Variants in CXCL12 observed in about 807,000 individuals in gnomAD.
CXCL12 encodes the protein C-X-C motif chemokine ligand 12.
Under a neutral mutation model 10.7 loss-of-function variants are expected in CXCL12, and 4 were observed. The ratio of observed to expected loss-of-function variants is 0.37; its 90% CI spans 0.18 to 0.86. The LOEUF (loss-of-function observed/expected upper bound fraction) is 0.86, where lower values mean the gene tolerates loss of function less well. Ranked by LOEUF, CXCL12 falls within the 40% of genes least tolerant of loss-of-function variation. The pLI, the probability that CXCL12 is intolerant of heterozygous loss-of-function variation, is 0.43. For missense variants in CXCL12, 122 were observed against 110.4 expected (o/e 1.10, Z -0.47); for synonymous variants, 54 against 45.4 (o/e 1.19, Z -0.77).
downstream of CXCL12, chr10:44,374,521 A>G (rs1839399007): frequency 2.2e-6 from 1 of 456,086 alleles, no homozygotes. Flanking sequence ...AGTGCTGGCA[A>G]GAGGAACGTG....
In CXCL12 at chr10:44,385,021, G is replaced by GCGGGCGGGCGGA; in HGVS notation, c.-28_-17dup. The GCGGGCGGGCGGA allele has an allele frequency of 6.9e-7, 1 of 1,449,022 alleles. No individual in the cohort carries two copies. Among genetic ancestry groups the GCGGGCGGGCGGA allele is most frequent in the Non-Finnish European group, 9.1e-7 (1 of 1,095,440 alleles). The allele number at this position is 1,449,022 out of a possible 1,614,324, so 89.8% of individuals were successfully genotyped here. A position where few individuals can be genotyped will look rare whatever the true frequency, so the allele number is the denominator to read the frequency against. On this transcript the variant is annotated 5_prime_UTR_variant, in exon 1 of 3. Transcript: ENST00000343575. ...TGGCGTTCATGGCGCGGGCGGGCGG[G>GCGGGCGGGCGGA]CGGGCGGGCGGACGAGCGCGGGTCG...
chr10:44,380,748 A>T lies in CXCL12; in HGVS notation c.179+15T>A, dbSNP rs1307240444. On this transcript the variant is annotated intron_variant, in intron 2 of 2. Transcript: ENST00000343575. Reference sequence around the variant, plus strand: ...CAACTATGTTCGTTAGATGATGTTCAATTTCAAGACTTACACAATCTGAAG... The same window carrying T: ...CAACTATGTTCGTTAGATGATGTTCTATTTCAAGACTTACACAATCTGAAG... The T allele has an allele frequency of 1.9e-6, 3 of 1,594,272 alleles. No individual in the cohort carries two copies. The highest frequency in any genetic ancestry group is 2.6e-6 in the Non-Finnish European group (3 of 1,161,918).
downstream of CXCL12, chr10:44,373,474 C>A: frequency 1.3e-6 from 1 of 784,988 alleles, no homozygotes; most frequent in African/African-American, 1.7e-5. Flanking sequence ...CTTGGCCATG[C>A]ATCTCCCTTC....
chr10:44,383,101 C>T (rs1009098934), intron 1 of CXCL12, among the ~76,000 whole-genome samples: 8 of 152,192 alleles, frequency 5.3e-5, no homozygotes, highest in Non-Finnish European at 8.8e-5. Context: ...ACCCAAGGGC[C>T]CAGCTGCCTG....
At chr10:44,372,782 C>T, downstream of CXCL12, 1 of 1,455,740 alleles carries the variant, frequency 6.9e-7, no homozygotes, top group Non-Finnish European at 9.0e-7. Flanking sequence ...CAGGGTAGCC[C>T]TGCTGCCCTC....
downstream of CXCL12, chr10:44,373,456 G>A (rs763862135): frequency 6.7e-5 from 62 of 929,154 alleles, no homozygotes; most frequent in Non-Finnish European, 1.1e-4. Flanking sequence ...CTACTTCCAA[G>A]TTGCCACCTT....
Position 44,380,748 on chromosome 10 carries a change from A to G in CXCL12, c.179+15T>C, listed in dbSNP as rs1307240444. On this transcript the variant is annotated intron_variant, in intron 2 of 2. Coordinates refer to ENST00000343575, the MANE Select transcript of CXCL12 (RefSeq NM_199168.4). ...CAACTATGTTCGTTAGATGATGTTCAATTTCAAGACTTACACAATCTGAAG... is the reference window on the plus strand; with the variant it reads ...CAACTATGTTCGTTAGATGATGTTCGATTTCAAGACTTACACAATCTGAAG... 1 of 1,594,390 alleles carries G rather than the reference A, an allele frequency of 6.3e-7. No homozygotes were observed. Among genetic ancestry groups the G allele is most frequent in the Admixed American group, 1.7e-5 (1 of 60,002 alleles).
Position 44,385,080 on chromosome 10 carries a change from G to C in CXCL12, c.-75C>G, listed in dbSNP as rs971026304. On this transcript the variant is annotated 5_prime_UTR_variant, in exon 1 of 3. Transcript: ENST00000343575. ...ACGCCGAGCGGGCAATGCGGCTGACGGAGAGTGAAAGTGCGGCGGTGGGAG... is the reference window on the plus strand; with the variant it reads ...ACGCCGAGCGGGCAATGCGGCTGACCGAGAGTGAAAGTGCGGCGGTGGGAG... 7 of 1,185,688 alleles carry C rather than the reference G, an allele frequency of 5.9e-6. No individual in the cohort carries two copies. The highest frequency in any genetic ancestry group is 6.3e-5 in the East Asian group (2 of 31,644). The allele number at this position is 1,185,688 out of a possible 1,614,324, so 73.4% of individuals were successfully genotyped here.
Position 44,377,567 on chromosome 10 carries a change from ATGGTTTATTCAC to A in CXCL12, c.*1054_*1065del. 1 of 1,463,596 alleles carries A rather than the reference ATGGTTTATTCAC, an allele frequency of 6.8e-7. No homozygotes were observed. Among genetic ancestry groups the A allele is most frequent in the Non-Finnish European group, 9.0e-7 (1 of 1,112,734 alleles). 90.7% of individuals were successfully genotyped at this position (1,463,596 alleles called of 1,614,324 possible). A position where few individuals can be genotyped will look rare whatever the true frequency, so the allele number is the denominator to read the frequency against. On this transcript the variant is annotated 3_prime_UTR_variant, in exon 3 of 3. Coordinates refer to ENST00000343575, the MANE Select transcript of CXCL12 (RefSeq NM_199168.4). Reference sequence around the variant, plus strand: ...TTCAGGAGGGGGTAGTGGCAAGATGATGGTTTATTCACTGATTTTTTCGCTTCTGATTTCGGA... The same window carrying A: ...TTCAGGAGGGGGTAGTGGCAAGATGATGATTTTTTCGCTTCTGATTTCGGA...
At position 44,379,924 on chromosome 10, in the gene CXCL12, A is replaced by T. The variant is rs371069602; in HGVS notation, c.179+839T>A. 3.5e-4 allele frequency among the ~76,000 whole-genome samples: 53 copies of T among 152,374 alleles called. 1 individual carries two copies. The highest frequency in any genetic ancestry group is 1.2e-3 in the African/African-American group (51 of 41,600). On this transcript the variant is annotated intron_variant, in intron 2 of 2. Transcript: ENST00000343575. ...ACTCAAAACTAAAAACAGTTTTCTA[A>T]AATCAAAAGTAAAAACATTTGGTGT...
intron 1 of CXCL12, among the ~76,000 whole-genome samples, chr10:44,383,907 G>C (rs1839714814): frequency 6.6e-6 from 1 of 152,224 alleles, no homozygotes; most frequent in African/African-American, 2.4e-5. Flanking sequence ...ACTCTTTGCA[G>C]GAAACTTCAC....
At chr10:44,373,346 G>A (rs1220160285), downstream of CXCL12, 7 of 1,606,776 alleles carry the variant, frequency 4.4e-6, no homozygotes, top group East Asian at 2.2e-5. Flanking sequence ...TGAACCTCCT[G>A]TTGACAAGAA....
intron 1 of CXCL12, among the ~76,000 whole-genome samples, chr10:44,384,365 G>A (rs1839730612): frequency 1.3e-5 from 2 of 152,174 alleles, no homozygotes; most frequent in African/African-American, 4.8e-5. Flanking sequence ...GCGCCGCGCA[G>A]CCCGCCCGCG....
At chr10:44,380,556 G>T in intron 2 of CXCL12, 3 of 579,876 alleles carry the variant, frequency 5.2e-6, no homozygotes, top group Non-Finnish European at 9.3e-6. Context: ...ACAGCAGGGT[G>T]CCCAGGCCAA....
At chr10:44,372,977 C>CCCCA (rs1839351460), downstream of CXCL12, 11 of 1,535,902 alleles carry the variant, frequency 7.2e-6, no homozygotes, top group African/African-American at 1.4e-5. Flanking sequence ...GGGCCAGGCT[C>CCCCA]CCTCAGCCCA....
intron 1 of CXCL12, among the ~76,000 whole-genome samples, chr10:44,382,693 C>T (rs1839668529): frequency 6.6e-6 from 1 of 152,100 alleles, no homozygotes; most frequent in African/African-American, 2.4e-5. Flanking sequence ...TCCTCTCCCC[C>T]TCCACCCCCT....
intron 1 of CXCL12, among the ~76,000 whole-genome samples, chr10:44,383,882 T>G (rs1839713644): frequency 6.6e-6 from 1 of 152,108 alleles, no homozygotes. Context: ...GCAAGAGCAC[T>G]CAGAGTGTCC....
At chr10:44,383,880 A>G (rs1839713582) in intron 1 of CXCL12, among the ~76,000 whole-genome samples, 1 of 152,106 alleles carries the variant, frequency 6.6e-6, no homozygotes, top group Non-Finnish European at 1.5e-5. Flanking sequence ...CTGCAAGAGC[A>G]CTCAGAGTGT....
chr10:44,371,156 G>A, downstream of CXCL12: 1 of 233,764 alleles, frequency 4.3e-6, no homozygotes, highest in Non-Finnish European at 8.7e-6. Flanking sequence ...CTTTAGCTGG[G>A]CAGTCTCCAG....
Sources: allele counts gnomAD v4.1 joint callset (sites outside exome capture counted in the v4.1 genomes callset), GRCh38; gene constraint gnomAD v4.1.1; transcripts MANE v1.5; gene names NCBI Gene and HGNC (gene_info 2026-07-23, HGNC 2026-07-21).